Variants in NPFFR2 observed in about 807,000 individuals in gnomAD.
NPFFR2 encodes the protein G-protein coupled receptor 74.
Under a neutral mutation model 13.1 loss-of-function variants are expected in NPFFR2, and 15 were observed. That is an observed-to-expected ratio of 1.15 (90% CI 0.77 to 1.76). The LOEUF is 1.76. Among genes scored for constraint, NPFFR2 ranks in the 40% most tolerant of loss-of-function variants. NPFFR2 has a pLI of 0.00. For synonymous variants in NPFFR2, 190 were observed against 175.7 expected (o/e 1.08, Z -0.65); for missense variants, 572 against 503.5 (o/e 1.14, Z -1.30).
In NPFFR2 at chr4:72,051,545, A is replaced by G. The variant is rs541298777; in HGVS notation, c.-8+19345A>G. The stretch of plus-strand genomic sequence containing the variant: ...TAAATGCCCACAAGAGAAAGCAGGG[A>G]AGATCCAAAATTGACACCCTAACGT... On this transcript the variant is annotated intron_variant, in intron 1 of 3. Transcript: ENST00000308744. Among the ~76,000 whole-genome samples, 1,207 of 151,068 alleles carry G rather than the reference A, an allele frequency of 8.0e-3. 8 individuals are homozygous for G. Among genetic ancestry groups the G allele is most frequent in the African/African-American group, 0.017 (694 of 41,240 alleles).
At chr4:72,071,433 A>T (rs1720252006) in intron 1 of NPFFR2, among the ~76,000 whole-genome samples, 1 of 152,168 alleles carries the variant, frequency 6.6e-6, no homozygotes, top group Non-Finnish European at 1.5e-5. Context: ...TTCTTGGAAG[A>T]TGGTGCAGCA....
Position 72,058,168 on chromosome 4 carries a change from A to C in NPFFR2, c.-8+25968A>C, listed in dbSNP as rs191907453. On this transcript the variant is annotated intron_variant, in intron 1 of 3. Coordinates refer to ENST00000308744, the MANE Select transcript of NPFFR2 (RefSeq NM_004885.3). ...GATTTTGATTATCGTGTTGTGTAGGAGAATGTGTTTATTTTATGGGGAGTA... is the reference window on the plus strand; with the variant it reads ...GATTTTGATTATCGTGTTGTGTAGGCGAATGTGTTTATTTTATGGGGAGTA... Among the ~76,000 whole-genome samples the C allele has an allele frequency of 2.2e-3, 342 of 152,060 alleles. 5 individuals carry two copies. Among genetic ancestry groups the C allele is most frequent in the African/African-American group, 7.8e-3 (322 of 41,514 alleles).
intron 1 of NPFFR2, among the ~76,000 whole-genome samples, chr4:72,038,929 G>A (rs1451892338): frequency 6.0e-5 from 2 of 33,576 alleles, no homozygotes; most frequent in Admixed American, 5.9e-4. Context: ...TTTTTTTTGA[G>A]ATGGAGTCTC....
At chr4:72,101,217 T>A (rs896340717) in intron 1 of NPFFR2, among the ~76,000 whole-genome samples, 1 of 152,180 alleles carries the variant, frequency 6.6e-6, no homozygotes, top group East Asian at 1.9e-4. Flanking sequence ...ACTGAGGTAA[T>A]TCACATGCCA....
At chr4:72,034,125 AG>A (rs913849047) in intron 1 of NPFFR2, among the ~76,000 whole-genome samples, 1 of 152,226 alleles carries the variant, frequency 6.6e-6, no homozygotes, top group Non-Finnish European at 1.5e-5. Flanking sequence ...TATGGAAAAA[AG>A]GACATTGGTT....
intron 1 of NPFFR2, among the ~76,000 whole-genome samples, chr4:72,072,732 A>G (rs1720296458): frequency 6.6e-6 from 1 of 152,144 alleles, no homozygotes; most frequent in Admixed American, 6.6e-5. Flanking sequence ...ATAGATTCTG[A>G]GTAGAATAAA....
chr4:72,064,473 T>G (rs148409829), intron 1 of NPFFR2, among the ~76,000 whole-genome samples: 1 of 152,326 alleles, frequency 6.6e-6, no homozygotes, highest in East Asian at 1.9e-4. Context: ...GTGAGCAAGA[T>G]GGATGTCAAT....
chr4:72,141,647 T>C (rs1416726248), intron 3 of NPFFR2, among the ~76,000 whole-genome samples: 1 of 152,204 alleles, frequency 6.6e-6, no homozygotes, highest in African/African-American at 2.4e-5. Flanking sequence ...ATTTCTGTTC[T>C]TTTACATTTG....
chr4:72,049,504 T>C (rs2109763245), intron 1 of NPFFR2, among the ~76,000 whole-genome samples: 1 of 152,214 alleles, frequency 6.6e-6, no homozygotes, highest in South Asian at 2.1e-4. Context: ...GAAAACAGAC[T>C]GCCATTGATT....
intron 1 of NPFFR2, among the ~76,000 whole-genome samples, chr4:72,100,943 A>G (rs767453995): frequency 4.7e-4 from 72 of 151,954 alleles, no homozygotes; most frequent in Non-Finnish European, 4.0e-4. Flanking sequence ...CTTTCTATGC[A>G]TTTTCCATCA....
At position 72,098,379 on chromosome 4, in the gene NPFFR2, T is replaced by G. The variant is rs77916530; in HGVS notation, c.-7-30206T>G. On this transcript the variant is annotated intron_variant, in intron 1 of 3. Transcript: ENST00000308744. ...TGCTCTAGTTCAAGTTGGTCCAACC[T>G]GTGGCCCATGGACTGCATGTGGCCC... Among the ~76,000 whole-genome samples the G allele has an allele frequency of 6.0e-3, 910 of 152,342 alleles. 13 individuals carry two copies. The highest frequency in any genetic ancestry group is 0.021 in the African/African-American group (881 of 41,586).
At chr4:72,127,556 G>A (rs1411084048) in intron 1 of NPFFR2, among the ~76,000 whole-genome samples, 1 of 144,682 alleles carries the variant, frequency 6.9e-6, no homozygotes, top group African/African-American at 2.5e-5. Context: ...GTAGAGACGG[G>A]GTTTCACCGT....
chr4:72,085,319 A>G (rs1188424546), intron 1 of NPFFR2, among the ~76,000 whole-genome samples: 3 of 152,276 alleles, frequency 2.0e-5, no homozygotes, highest in Admixed American at 6.5e-5. Context: ...AATCTGAGCA[A>G]TCTTCAGCTG....
At chr4:72,146,790 G>A (rs777011891) in intron 3 of NPFFR2, among the ~76,000 whole-genome samples, 188 bp from the exon 4 acceptor site, 3 of 152,038 alleles carry the variant, frequency 2.0e-5, no homozygotes, top group Non-Finnish European at 4.4e-5. Flanking sequence ...TTCAAATTTT[G>A]AATTAAAATT....
intron 1 of NPFFR2, among the ~76,000 whole-genome samples, chr4:72,111,052 C>G (rs556906615): frequency 6.6e-6 from 1 of 152,058 alleles, no homozygotes; most frequent in South Asian, 2.1e-4. Context: ...CAAAAAATGT[C>G]TCTAGTTGCT....
chr4:72,083,033 A>G (rs1388866764), intron 1 of NPFFR2, among the ~76,000 whole-genome samples: 1 of 152,084 alleles, frequency 6.6e-6, no homozygotes, highest in Non-Finnish European at 1.5e-5. Context: ...CACTGTTTGT[A>G]TGTGTATACA....
intron 1 of NPFFR2, among the ~76,000 whole-genome samples, chr4:72,061,114 A>G (rs1719907472): frequency 1.3e-5 from 2 of 152,124 alleles, no homozygotes; most frequent in East Asian, 3.9e-4. Flanking sequence ...CAAGTTTTAG[A>G]AAAAAATCAG....
Position 72,034,103 on chromosome 4 carries a change from T to A in NPFFR2, c.-8+1903T>A, listed in dbSNP as rs370648818. Among the ~76,000 whole-genome samples the A allele has an allele frequency of 2.0e-5, 3 of 152,202 alleles. No homozygotes were observed. In the East Asian group the frequency reaches 5.8e-4, roughly 29 times the overall value. Reference sequence around the variant, plus strand: ...TAAAAATAATAATTTTGTAAAATACTGCCCTCCTTATTATGGAAAAAAGGA... The same window carrying A: ...TAAAAATAATAATTTTGTAAAATACAGCCCTCCTTATTATGGAAAAAAGGA... On this transcript the variant is annotated intron_variant, in intron 1 of 3. Transcript: ENST00000308744.
intron 2 of NPFFR2, among the ~76,000 whole-genome samples, chr4:72,133,766 G>A (rs960551168): frequency 1.3e-5 from 2 of 152,090 alleles, no homozygotes; most frequent in Non-Finnish European, 2.9e-5. Context: ...TCTGTTTGTG[G>A]AAATTTTGAA....
Sources: gnomAD v4.1 joint callset for allele counts (sites outside exome capture counted in the v4.1 genomes callset) on GRCh38, gnomAD v4.1.1 for gene constraint, MANE v1.5 for transcripts, NCBI Gene and HGNC (gene_info 2026-07-23, HGNC 2026-07-21) for gene names.